The following THRB variants were observed in gnomAD, a reference collection of about 807,000 sequenced individuals.
THRB encodes the protein nuclear receptor subfamily 1 group A member 2.
In THRB, 12 loss-of-function variants were observed where a neutral mutation model predicts 47.8. That is an observed-to-expected ratio of 0.25 (90% CI 0.16 to 0.41). The LOEUF (loss-of-function observed/expected upper bound fraction) is 0.41, where lower values mean the gene tolerates loss of function less well. Ranked by LOEUF, THRB falls within the 10% of genes least tolerant of loss-of-function variation. The pLI is 1.00. For synonymous variants in THRB, 218 were observed against 212.2 expected, an observed-to-expected ratio of 1.03 and a Z score of -0.24; for missense variants, 348 against 589.2, an observed-to-expected ratio of 0.59 and a Z score of 4.24.
At chr3:24,477,065 C>G (rs1350468269) in intron 1 of THRB, among the ~76,000 whole-genome samples, 1 of 142,456 alleles carries the variant, frequency 7.0e-6, no homozygotes, top group African/African-American at 2.8e-5. Flanking sequence ...CAATCATGAT[C>G]CAGGACATAC....
intron 1 of THRB, among the ~76,000 whole-genome samples, chr3:24,420,351 G>A (rs2069125066): frequency 6.6e-6 from 1 of 151,842 alleles, no homozygotes; most frequent in African/African-American, 2.4e-5. Flanking sequence ...GTCCAGCCCT[G>A]GCGGTGGGAT....
intron 3 of THRB, among the ~76,000 whole-genome samples, chr3:24,259,338 G>A (rs2051675500): frequency 6.6e-6 from 1 of 152,178 alleles, no homozygotes; most frequent in East Asian, 1.9e-4. Flanking sequence ...ATGGAAAAGA[G>A]TGTCCTTCCC....
chr3:24,329,904 ACT>A (rs2149364970), intron 2 of THRB, among the ~76,000 whole-genome samples: 1 of 152,288 alleles, frequency 6.6e-6, no homozygotes, highest in Admixed American at 6.5e-5. Flanking sequence ...TGAATCAGAG[ACT>A]CTGGCAATGG....
At chr3:24,389,408 T>G (rs1245966678) in intron 1 of THRB, among the ~76,000 whole-genome samples, 1 of 152,168 alleles carries the variant, frequency 6.6e-6, no homozygotes, top group Admixed American at 6.5e-5. Flanking sequence ...AATTATAAAC[T>G]ATTGTTAGAC....
At chr3:24,386,394 G>A (rs1198208746) in intron 1 of THRB, among the ~76,000 whole-genome samples, 1 of 152,028 alleles carries the variant, frequency 6.6e-6, no homozygotes, top group Admixed American at 6.6e-5. Context: ...CACAGCCAGA[G>A]TTGCTGTTTC....
At chr3:24,166,864 C>CA (rs2039709176) in intron 5 of THRB, among the ~76,000 whole-genome samples, 1 of 152,056 alleles carries the variant, frequency 6.6e-6, no homozygotes, top group African/African-American at 2.4e-5. Flanking sequence ...CTCCAGTCAT[C>CA]AATTGCAACG....
intron 1 of THRB, among the ~76,000 whole-genome samples, chr3:24,444,838 C>T (rs565620624): frequency 1.3e-5 from 2 of 152,284 alleles, no homozygotes; most frequent in East Asian, 3.9e-4. Flanking sequence ...CCTTCCTCAG[C>T]GTCCCAAAGT....
At chr3:24,146,565 T>C (rs542950837) in intron 7 of THRB, 110 bp downstream of exon 7, 1 of 1,172,000 alleles carries the variant, frequency 8.5e-7, no homozygotes. Flanking sequence ...GGTATTCCCT[T>C]CTCTGTCTTC....
intron 1 of THRB, among the ~76,000 whole-genome samples, chr3:24,437,086 A>T (rs4858117): frequency 0.31 from 45,459 of 148,856 alleles, 7,274 homozygotes; most frequent in Admixed American, 0.35. Context: ...TATATATCAT[A>T]AAAATGTGTG....
intron 3 of THRB, among the ~76,000 whole-genome samples, chr3:24,289,253 CAACTT>C (rs2055671819): frequency 6.6e-6 from 1 of 152,224 alleles, no homozygotes; most frequent in Non-Finnish European, 1.5e-5. Context: ...TTTAGGTAGA[CAACTT>C]CACTATGAGA....
At position 24,387,246 on chromosome 3, in the gene THRB, C is replaced by T. The variant is rs115825269; in HGVS notation, c.-260-49875G>A. Reference sequence around the variant, plus strand: ...TGCATTTTTTTCCCCTCAGTTATGCCATCATTCATTCATGTCTTCCAAATC... The same window carrying T: ...TGCATTTTTTTCCCCTCAGTTATGCTATCATTCATTCATGTCTTCCAAATC... On this transcript the variant is annotated intron_variant, in intron 1 of 10. Coordinates refer to ENST00000646209, the MANE Select transcript of THRB (RefSeq NM_001354712.2). Among the ~76,000 whole-genome samples, 1,165 of 152,168 alleles carry T rather than the reference C, an allele frequency of 7.7e-3. 18 individuals are homozygous for T. Among genetic ancestry groups the T allele is most frequent in the African/African-American group, 0.027 (1,108 of 41,530 alleles).
chr3:24,195,036 T>C (rs1466955578), intron 4 of THRB, among the ~76,000 whole-genome samples: 1 of 152,042 alleles, frequency 6.6e-6, no homozygotes, highest in African/African-American at 2.4e-5. Context: ...ACCCAGAGAG[T>C]GTGTAGAATT....
At chr3:24,385,242 A>C (rs2066004824) in intron 1 of THRB, among the ~76,000 whole-genome samples, 1 of 152,140 alleles carries the variant, frequency 6.6e-6, no homozygotes, top group Non-Finnish European at 1.5e-5. Context: ...CAATTTTATT[A>C]ATGATCAAAT....
intron 3 of THRB, among the ~76,000 whole-genome samples, chr3:24,252,026 C>T (rs1204571303): frequency 3.3e-5 from 5 of 152,080 alleles, no homozygotes; most frequent in Non-Finnish European, 7.4e-5. Context: ...AACTGCTAAT[C>T]AGAGTAATAA....
At chr3:24,161,653 C>G (rs1195714424) in intron 5 of THRB, among the ~76,000 whole-genome samples, 1 of 150,598 alleles carries the variant, frequency 6.6e-6, no homozygotes, top group Admixed American at 6.6e-5. Context: ...CACACACACA[C>G]AGACAGAATT....
At chr3:24,399,237 A>G (rs962211645) in intron 1 of THRB, among the ~76,000 whole-genome samples, 1 of 152,072 alleles carries the variant, frequency 6.6e-6, no homozygotes, top group African/African-American at 2.4e-5. Context: ...TTAAAAAAAA[A>G]AAAAGAAAAT....
intron 2 of THRB, among the ~76,000 whole-genome samples, chr3:24,298,967 G>T (rs1326175155): frequency 6.6e-6 from 1 of 151,956 alleles, no homozygotes; most frequent in Non-Finnish European, 1.5e-5. Flanking sequence ...AGTAATTCAG[G>T]CCGGGCGCGG....
At chr3:24,181,707 C>A (rs550876232) in intron 5 of THRB, among the ~76,000 whole-genome samples, 4,977 of 152,280 alleles carry the variant, frequency 0.033, 102 homozygotes, top group South Asian at 0.065. Context: ...TGTTACTTGG[C>A]AGTCCTGCTC....
chr3:24,401,303 G>T (rs147813326), intron 1 of THRB, among the ~76,000 whole-genome samples: 120 of 152,142 alleles, frequency 7.9e-4, no homozygotes, highest in African/African-American at 2.7e-3. Context: ...AGGAGGAAAA[G>T]AAACAGCTTT....
Sources: gnomAD v4.1 joint callset for allele counts (sites outside exome capture counted in the v4.1 genomes callset) on GRCh38, gnomAD v4.1.1 for gene constraint, MANE v1.5 for transcripts, NCBI Gene and HGNC (gene_info 2026-07-23, HGNC 2026-07-21) for gene names.